Variants in ST8SIA1 observed in about 807,000 individuals in gnomAD.
ST8SIA1 encodes the protein ST8 alpha-N-acetyl-neuraminide alpha-2,8-sialyltransferase 1, also known as alpha-N-acetylneuraminide alpha-2,8-sialyltransferase.
Under a neutral mutation model 35.9 loss-of-function variants are expected in ST8SIA1, and 16 were observed. That is an observed-to-expected ratio of 0.45 (90% CI 0.30 to 0.68). The LOEUF (loss-of-function observed/expected upper bound fraction) is 0.68, where lower values mean the gene tolerates loss of function less well. Among genes scored for constraint, ST8SIA1 ranks in the 30% least tolerant of loss-of-function variants. The probability of loss-of-function intolerance (pLI) is 0.09; values close to 1 mark genes in which losing one functional copy is unlikely to be tolerated. For synonymous variants in ST8SIA1, 170 were observed against 169.6 expected (o/e 1.00, Z -0.02); for missense variants, 383 against 453.6 (o/e 0.84, Z 1.41).
chr12:22,331,989 G>T (rs1017605038), intron 1 of ST8SIA1, among the ~76,000 whole-genome samples: 2 of 152,140 alleles, frequency 1.3e-5, no homozygotes, highest in Admixed American at 1.3e-4. Flanking sequence ...TAACAACTCT[G>T]CAATGTAGAT....
rs576337169 is a variant in ST8SIA1, at chr12:22,198,165, T to C, written c.*3387A>G. Reference sequence around the variant, plus strand: ...CTCTTCACCCTTCCTTTTGCCCCTATGGATCAGCCTAATTTTTATGACTAC... The same window carrying C: ...CTCTTCACCCTTCCTTTTGCCCCTACGGATCAGCCTAATTTTTATGACTAC... On this transcript the variant is annotated 3_prime_UTR_variant, in exon 5 of 5. Transcript: ENST00000396037. The C allele has an allele frequency of 5.9e-5, 9 of 152,268 alleles. 1 individual carries two copies. The highest frequency in any genetic ancestry group is 1.7e-4 in the African/African-American group (7 of 41,558). 9.4% of individuals were successfully genotyped at this position (152,268 alleles called of 1,614,324 possible). A position where few individuals can be genotyped will look rare whatever the true frequency, so the allele number is the denominator to read the frequency against.
intron 4 of ST8SIA1, among the ~76,000 whole-genome samples, chr12:22,215,181 A>G (rs923742591): frequency 1.3e-5 from 2 of 152,060 alleles, no homozygotes; most frequent in African/African-American, 2.4e-5. Flanking sequence ...ACAAACAAAA[A>G]TTTGCTCAAA....
chr12:22,324,198 G>C (rs1866642962), intron 1 of ST8SIA1, among the ~76,000 whole-genome samples: 1 of 152,036 alleles, frequency 6.6e-6, no homozygotes, highest in African/African-American at 2.4e-5. Context: ...TGTATGTCTG[G>C]GCTAAAGTTT....
At chr12:22,270,125 T>C (rs1030299340) in intron 2 of ST8SIA1, among the ~76,000 whole-genome samples, 7 of 152,196 alleles carry the variant, frequency 4.6e-5, no homozygotes, top group African/African-American at 1.7e-4. Context: ...AGGGTTAAAT[T>C]TGTAGATGTT....
chr12:22,309,114 G>A (rs556531017), intron 1 of ST8SIA1, among the ~76,000 whole-genome samples: 1 of 152,224 alleles, frequency 6.6e-6, no homozygotes, highest in South Asian at 2.1e-4. Context: ...AGCCCCCCAA[G>A]CAACTGAATG....
intron 2 of ST8SIA1, among the ~76,000 whole-genome samples, chr12:22,279,881 A>C (rs1442817675): frequency 6.6e-6 from 1 of 152,202 alleles, no homozygotes; most frequent in Non-Finnish European, 1.5e-5. Context: ...AACAGGGTAG[A>C]GCTAGTCAGG....
At chr12:22,299,388 T>C (rs1172038553) in intron 1 of ST8SIA1, among the ~76,000 whole-genome samples, 3 of 152,124 alleles carry the variant, frequency 2.0e-5, no homozygotes, top group Admixed American at 2.0e-4. Context: ...AATCATTTTA[T>C]ATGAGAAGGA....
In ST8SIA1 at chr12:22,248,986, C is replaced by G; in HGVS notation, c.584+20G>C. ...AGACTTCATCTTCGTTCGTCACAAA[C>G]AGAAGTCATAAACTCTTACCTTTGC... On this transcript the variant is annotated intron_variant, in intron 4 of 4. Transcript: ENST00000396037. 6.4e-7 allele frequency: 1 copy of G among 1,573,506 alleles called. No individual in the cohort carries two copies. Among genetic ancestry groups the G allele is most frequent in the Non-Finnish European group, 8.7e-7 (1 of 1,144,136 alleles).
intron 1 of ST8SIA1, among the ~76,000 whole-genome samples, chr12:22,320,232 T>C (rs976354414): frequency 6.6e-6 from 1 of 152,132 alleles, no homozygotes; most frequent in Non-Finnish European, 1.5e-5. Flanking sequence ...TTCATGAAGG[T>C]TCAAAGACTT....
intron 1 of ST8SIA1, among the ~76,000 whole-genome samples, chr12:22,311,277 G>C (rs770621091): frequency 3.0e-4 from 46 of 152,124 alleles, no homozygotes; most frequent in Non-Finnish European, 5.6e-4. Context: ...CATCTTATCA[G>C]TACTTGGAAG....
chr12:22,331,367 T>C (rs1051367860), intron 1 of ST8SIA1, among the ~76,000 whole-genome samples: 3 of 152,238 alleles, frequency 2.0e-5, no homozygotes, highest in Admixed American at 6.5e-5. Context: ...ACTCATGAAA[T>C]ATTGTTTAAT....
rs77834155 is a variant in ST8SIA1, at chr12:22,235,121, C to T, written c.584+13885G>A. Among the ~76,000 whole-genome samples the T allele has an allele frequency of 1.1e-3, 167 of 151,618 alleles. 2 individuals are homozygous for T. In the East Asian group the frequency reaches 0.019, roughly 17 times the overall value. On this transcript the variant is annotated intron_variant, in intron 4 of 4. Coordinates refer to ENST00000396037, the MANE Select transcript of ST8SIA1 (RefSeq NM_003034.4). ...GATATGAAAGCTACAGTGGAAACTTCGGTTAAAAATGCATATCATGATTTA... is the reference window on the plus strand; with the variant it reads ...GATATGAAAGCTACAGTGGAAACTTTGGTTAAAAATGCATATCATGATTTA...
chr12:22,324,635 T>C (rs920120761), intron 1 of ST8SIA1: 1 of 152,186 alleles, frequency 6.6e-6, no homozygotes, highest in African/African-American at 2.4e-5. Flanking sequence ...ATATTAGCGA[T>C]GTTTGTTAAA....
intron 3 of ST8SIA1, among the ~76,000 whole-genome samples, chr12:22,254,250 A>G (rs73270033): frequency 1.9e-3 from 292 of 151,588 alleles, no homozygotes; most frequent in African/African-American, 6.7e-3. Context: ...CAACATGTCC[A>G]CTCATCCCCG....
intron 1 of ST8SIA1, among the ~76,000 whole-genome samples, chr12:22,303,092 C>T (rs1448796503): frequency 2.0e-5 from 3 of 152,128 alleles, no homozygotes; most frequent in Non-Finnish European, 4.4e-5. Context: ...TTAAATGAAA[C>T]CTGTCTCAGA....
At chr12:22,251,424 C>T (rs1865668307) in intron 3 of ST8SIA1, among the ~76,000 whole-genome samples, 1 of 152,114 alleles carries the variant, frequency 6.6e-6, no homozygotes, top group Non-Finnish European at 1.5e-5. Flanking sequence ...TGCTTAAAAC[C>T]ATGAAGATAA....
Position 22,284,665 on chromosome 12 carries a change from T to C in ST8SIA1, c.381+2484A>G, listed in dbSNP as rs140324429. On this transcript the variant is annotated intron_variant, in intron 2 of 4. Transcript: ENST00000396037. ...CTGCCTTTTGCAATGGCTGTGCCCATACACAATGATGTCATGACTTCTGAT... is the reference window on the plus strand; with the variant it reads ...CTGCCTTTTGCAATGGCTGTGCCCACACACAATGATGTCATGACTTCTGAT... Among the ~76,000 whole-genome samples, 122 of 152,336 alleles carry C rather than the reference T, an allele frequency of 8.0e-4. No homozygotes were observed. In the South Asian group the frequency reaches 8.5e-3, roughly 11 times the overall value.
chr12:22,331,160 A>C (rs1866758884), intron 1 of ST8SIA1, among the ~76,000 whole-genome samples: 1 of 152,212 alleles, frequency 6.6e-6, no homozygotes, highest in Admixed American at 6.5e-5. Context: ...GCAAAATAAA[A>C]TCTTAAATTT....
intron 2 of ST8SIA1, among the ~76,000 whole-genome samples, chr12:22,276,103 C>T (rs368784089): frequency 3.3e-5 from 5 of 152,186 alleles, no homozygotes; most frequent in East Asian, 3.9e-4. Flanking sequence ...TTCCCTCAGG[C>T]CTCTGCCTAC....
Sources: allele counts gnomAD v4.1 joint callset (sites outside exome capture counted in the v4.1 genomes callset), GRCh38; gene constraint gnomAD v4.1.1; transcripts MANE v1.5; gene names NCBI Gene and HGNC (gene_info 2026-07-23, HGNC 2026-07-21).